PLCG2: variants seen among roughly 807,000 people sequenced by gnomAD.
The protein encoded by PLCG2 is 1-phosphatidylinositol 4,5-bisphosphate phosphodiesterase gamma-2.
PLCG2 carries 69 observed loss-of-function variants against 175.6 expected under a neutral mutation model. The observed-to-expected ratio is 0.39, with a 90% CI of 0.32 to 0.48. The LOEUF (loss-of-function observed/expected upper bound fraction) is 0.48. PLCG2 is among the 20% of genes least tolerant of loss of function. The probability of loss-of-function intolerance (pLI) is 0.91; values close to 1 mark genes in which losing one functional copy is unlikely to be tolerated. For synonymous variants in PLCG2, 827 were observed against 624.0 expected (o/e 1.33, Z -4.85); for missense variants, 1,798 against 1,650.9 (o/e 1.09, Z -1.54).
chr16:81,801,545 G>T (rs1381772221), intron 2 of PLCG2, among the ~76,000 whole-genome samples: 1 of 152,100 alleles, frequency 6.6e-6, no homozygotes, highest in Non-Finnish European at 1.5e-5. Flanking sequence ...GGACATTTAG[G>T]TTGTTTCCAA....
At chr16:81,829,592 T>C (rs1255284293) in intron 2 of PLCG2, among the ~76,000 whole-genome samples, 1 of 152,226 alleles carries the variant, frequency 6.6e-6, no homozygotes, top group Non-Finnish European at 1.5e-5. Flanking sequence ...GCTATCAAAG[T>C]TCCAGAATTT....
intron 1 of PLCG2, among the ~76,000 whole-genome samples, chr16:81,780,885 G>A (rs931962003): frequency 6.6e-6 from 1 of 152,096 alleles, no homozygotes; most frequent in African/African-American, 2.4e-5. Context: ...AAATTACCTG[G>A]GCGTGGTGGT....
At chr16:81,776,083 C>CTTTCTTTCTTTCTTGCTT, upstream of PLCG2, among the ~76,000 whole-genome samples, 36 of 81,938 alleles carry the variant, frequency 4.4e-4, 2 homozygotes, top group South Asian at 9.3e-4. Context: ...TTCTCTCTCT[C>CTTTCTTTCTTTCTTGCTT]TCTCTCTTTC....
At chr16:81,826,421 A>G (rs1446430183) in intron 2 of PLCG2, among the ~76,000 whole-genome samples, 2 of 152,186 alleles carry the variant, frequency 1.3e-5, no homozygotes, top group South Asian at 4.1e-4. Context: ...TCAGCTCTGC[A>G]CTTACCAGTG....
At chr16:81,907,847 C>A in intron 16 of PLCG2, 73 bp downstream of exon 16, 1 of 1,061,354 alleles carries the variant, frequency 9.4e-7, no homozygotes, top group Non-Finnish European at 1.4e-6. Context: ...CCCGGGACCT[C>A]CTTCCCATGT....
chr16:81,882,970 C>T (rs1908161486), intron 8 of PLCG2, among the ~76,000 whole-genome samples: 1 of 152,174 alleles, frequency 6.6e-6, no homozygotes, highest in African/African-American at 2.4e-5. Flanking sequence ...TCCCCATGGC[C>T]ACACTCCTGG....
At chr16:81,916,886 C>A (rs577334877) in intron 19 of PLCG2, among the ~76,000 whole-genome samples, 5 of 152,306 alleles carry the variant, frequency 3.3e-5, no homozygotes, top group Admixed American at 2.6e-4. Flanking sequence ...GATCCACCCT[C>A]CTTGGCCTCC....
chr16:81,887,589 C>G (rs1294297047), intron 9 of PLCG2, among the ~76,000 whole-genome samples: 3 of 152,194 alleles, frequency 2.0e-5, no homozygotes, highest in African/African-American at 7.2e-5. Flanking sequence ...GTCTTGCACC[C>G]ATGCATGTCA....
chr16:81,933,283 A>T (rs1322316968), intron 25 of PLCG2, among the ~76,000 whole-genome samples: 1 of 152,236 alleles, frequency 6.6e-6, no homozygotes, highest in Non-Finnish European at 1.5e-5. Flanking sequence ...CACTGGGCAC[A>T]GCTACCCCTT....
chr16:81,774,511 G>T (rs1217611887), upstream of PLCG2, among the ~76,000 whole-genome samples: 1 of 152,204 alleles, frequency 6.6e-6, no homozygotes, highest in Non-Finnish European at 1.5e-5. Flanking sequence ...CCAGCCAGCA[G>T]CTGGGACTCG....
chr16:81,778,821 T>G (rs1910578829), upstream of PLCG2, among the ~76,000 whole-genome samples: 1 of 151,854 alleles, frequency 6.6e-6, no homozygotes. Context: ...TAATTTTTAT[T>G]TATTTATTTT....
chr16:81,957,156 G>A (rs1432344787), intron 32 of PLCG2, among the ~76,000 whole-genome samples: 1 of 152,046 alleles, frequency 6.6e-6, no homozygotes, highest in Non-Finnish European at 1.5e-5. Context: ...AAAATTAGCT[G>A]GGCATGGTCG....
At chr16:81,752,111 G>C (rs1018658539) in intron 1 of PLCG2, among the ~76,000 whole-genome samples, 3 of 152,108 alleles carry the variant, frequency 2.0e-5, no homozygotes, top group Non-Finnish European at 4.4e-5. Context: ...CTGTGATGTA[G>C]GCCCCGTCTA....
At chr16:81,944,748 T>TTACAGGCA (rs1418511300) in intron 30 of PLCG2, among the ~76,000 whole-genome samples, 1 of 152,128 alleles carries the variant, frequency 6.6e-6, no homozygotes, top group African/African-American at 2.4e-5. Flanking sequence ...AGTGCTAGGA[T>TTACAGGCA]TACAGGCATG....
At chr16:81,907,036 CAAAAA>C (rs56697259) in intron 15 of PLCG2, among the ~76,000 whole-genome samples, 2 of 96,734 alleles carry the variant, frequency 2.1e-5, no homozygotes, top group Non-Finnish European at 4.1e-5. Flanking sequence ...GACTCTGTCT[CAAAAA>C]AAAAAAAAAA....
intron 31 of PLCG2, among the ~76,000 whole-genome samples, chr16:81,954,807 C>T (rs1303627091): frequency 2.6e-5 from 4 of 152,130 alleles, no homozygotes; most frequent in Non-Finnish European, 5.9e-5. Context: ...CTTACATGTG[C>T]GTGGGTCTTT....
chr16:81,778,556 A>T (rs529009734), upstream of PLCG2, among the ~76,000 whole-genome samples: 33 of 152,356 alleles, frequency 2.2e-4, no homozygotes, highest in Non-Finnish European at 4.0e-4. Flanking sequence ...TAAAGAACAT[A>T]TTAGCTTCTT....
chr16:81,786,823 G>C (rs1185329515), intron 2 of PLCG2, among the ~76,000 whole-genome samples: 1 of 152,170 alleles, frequency 6.6e-6, no homozygotes, highest in Non-Finnish European at 1.5e-5. Context: ...TCTAATTTGT[G>C]TTTTTAAATT....
At chr16:81,914,616 G>C (rs1047228177) in intron 19 of PLCG2, among the ~76,000 whole-genome samples, 1 of 152,194 alleles carries the variant, frequency 6.6e-6, no homozygotes, top group East Asian at 1.9e-4. Flanking sequence ...AGCACCTACT[G>C]TGTGCCGGGC....
Sources: gnomAD v4.1 joint callset for allele counts (sites outside exome capture counted in the v4.1 genomes callset) on GRCh38, gnomAD v4.1.1 for gene constraint, MANE v1.5 for transcripts, NCBI Gene and HGNC (gene_info 2026-07-23, HGNC 2026-07-21) for gene names.